The following TRDMT1 variants were observed in gnomAD, a reference collection of about 807,000 sequenced individuals.
TRDMT1 encodes the protein tRNA (cytosine(38)-C(5))-methyltransferase.
In TRDMT1, 49 loss-of-function variants were observed where a neutral mutation model predicts 51.2. That is an observed-to-expected ratio of 0.96 (90% CI 0.76 to 1.21). TRDMT1 has a LOEUF of 1.21. TRDMT1 is among the 50% of genes most tolerant of loss of function. The pLI is 0.00. For missense variants in TRDMT1, 534 were observed against 462.3 expected, an observed-to-expected ratio of 1.16 and a Z score of -1.42; for synonymous variants, 187 against 164.6, an observed-to-expected ratio of 1.14 and a Z score of -1.04.
In TRDMT1 at chr10:17,148,851, T is replaced by C; in HGVS notation, c.*189A>G. On this transcript the variant is annotated 3_prime_UTR_variant, in exon 11 of 11. Coordinates refer to ENST00000377799, the MANE Select transcript of TRDMT1 (RefSeq NM_004412.7). ...CATAAAGCATAACAATAGTTCGTAT[T>C]TTATAAAATACAGTAATATAAATTT... 8.3e-7 allele frequency: 1 copy of C among 1,198,408 alleles called. No individual in the cohort carries two copies. The highest frequency in any genetic ancestry group is 1.1e-6 in the Non-Finnish European group (1 of 934,892). The allele number at this position is 1,198,408 out of a possible 1,614,324, so 74.2% of individuals were successfully genotyped here. A position where few individuals can be genotyped will look rare whatever the true frequency, so the allele number is the denominator to read the frequency against.
intron 8 of TRDMT1, 96 bp downstream of exon 8, chr10:17,157,345 T>C (rs1839665086): frequency 1.7e-6 from 2 of 1,207,574 alleles, no homozygotes; most frequent in Non-Finnish European, 2.3e-6. Flanking sequence ...AAACATTTTA[T>C]AAAATGCTCC....
intron 1 of TRDMT1, among the ~76,000 whole-genome samples, chr10:17,186,289 A>T (rs758251535): frequency 1.3e-5 from 2 of 152,136 alleles, no homozygotes; most frequent in Non-Finnish European, 2.9e-5. Flanking sequence ...GTTACCTTAC[A>T]TGGGAATCAG....
At chr10:17,195,770 A>G (rs1845322965) in intron 1 of TRDMT1, among the ~76,000 whole-genome samples, 1 of 152,150 alleles carries the variant, frequency 6.6e-6, no homozygotes, top group Non-Finnish European at 1.5e-5. Flanking sequence ...TTTGTATTTC[A>G]AGTTTATTAA....
At chr10:17,179,509 T>C (rs1843015760) in intron 1 of TRDMT1, among the ~76,000 whole-genome samples, 1 of 151,998 alleles carries the variant, frequency 6.6e-6, no homozygotes, top group Admixed American at 6.6e-5. Context: ...ATCTGGAATA[T>C]TATAGATTAA....
rs758794629 is a variant in TRDMT1 at position 17,162,170 on chromosome 10, G to T, written c.319C>A (p.Pro107Thr). 3 of 1,608,992 alleles carry T rather than the reference G, an allele frequency of 1.9e-6. No homozygotes were observed. Among genetic ancestry groups the T allele is most frequent in the Non-Finnish European group, 2.5e-6 (3 of 1,177,236 alleles). ...TACAGGAACCTAAGTTTTTACCTTG[G>T]GAGAATATCTAGAATATGTAAGAAG... ...NSFLHILDILPRLQKLPKYIL... is the reference protein window; with the variant it reads ...NSFLHILDILTRLQKLPKYIL... The change falls in exon 4 of 11, where the codon CCA becomes ACA. Residue 107 changes from proline to threonine, a missense_variant. Coordinates refer to ENST00000377799, the MANE Select transcript of TRDMT1 (RefSeq NM_004412.7).
intron 1 of TRDMT1, among the ~76,000 whole-genome samples, chr10:17,190,987 A>C (rs1564341264): frequency 6.6e-6 from 1 of 152,244 alleles, no homozygotes; most frequent in Non-Finnish European, 1.5e-5. Flanking sequence ...CGGTTACAGA[A>C]TGTCTCTTTA....
intron 1 of TRDMT1, among the ~76,000 whole-genome samples, chr10:17,185,996 T>C (rs1843845295): frequency 1.3e-5 from 2 of 151,912 alleles, no homozygotes; most frequent in Non-Finnish European, 1.5e-5. Context: ...GGCACATGTA[T>C]ACCTATGTAA....
rs58471271 is a variant in TRDMT1, at chr10:17,140,294, T to C, written c.*8746A>G. On this transcript the variant is annotated 3_prime_UTR_variant, in exon 11 of 11. Transcript: ENST00000377799. ...TGGTCTTGAACTCCTGACCTCATGG[T>C]CCGTTCACTTCGACCTCCCAAAGTG... Among the ~76,000 whole-genome samples the C allele has an allele frequency of 6.6e-6, 1 of 150,758 alleles. No homozygotes were observed. Among genetic ancestry groups the C allele is most frequent in the African/African-American group, 2.4e-5 (1 of 40,878 alleles).
rs986428136 is a variant in TRDMT1 at position 17,145,234 on chromosome 10, G to A, written c.*3806C>T. 37 of 434,748 alleles carry A rather than the reference G, an allele frequency of 8.5e-5. No homozygotes were observed. Among genetic ancestry groups the A allele is most frequent in the South Asian group, 1.9e-4 (2 of 10,458 alleles). The allele number at this position is 434,748 out of a possible 1,614,324, so 26.9% of individuals were successfully genotyped here. A position where few individuals can be genotyped will look rare whatever the true frequency, so the allele number is the denominator to read the frequency against. Reference sequence around the variant, plus strand: ...TGCACTCCAGCCTAGGCAACAGAGCGAGACTCAGTCTCAAAAACAAAACAA... The same window carrying A: ...TGCACTCCAGCCTAGGCAACAGAGCAAGACTCAGTCTCAAAAACAAAACAA... On this transcript the variant is annotated 3_prime_UTR_variant, in exon 11 of 11. Coordinates refer to ENST00000377799, the MANE Select transcript of TRDMT1 (RefSeq NM_004412.7).
In TRDMT1 at chr10:17,157,787, G is replaced by T. The variant is rs768415510; in HGVS notation, c.544-3C>A. ...ATTTTGGGGAACTCCATCAGTACCT[G>T]GCATTACATAAAAATACACAAATTG... On this transcript the variant is annotated splice_polypyrimidine_tract_variant and splice_region_variant and intron_variant, in intron 7 of 10. Coordinates refer to ENST00000377799, the MANE Select transcript of TRDMT1 (RefSeq NM_004412.7). 1 of 1,550,884 alleles carries T rather than the reference G, an allele frequency of 6.4e-7. No individual in the cohort carries two copies.
At chr10:17,186,740 C>T (rs1201704788) in intron 1 of TRDMT1, among the ~76,000 whole-genome samples, 2 of 152,048 alleles carry the variant, frequency 1.3e-5, no homozygotes, top group Non-Finnish European at 2.9e-5. Context: ...ATAAGTGATG[C>T]TATTTTATTT....
intron 1 of TRDMT1, among the ~76,000 whole-genome samples, chr10:17,194,252 G>T (rs959650992): frequency 6.6e-6 from 1 of 152,136 alleles, no homozygotes; most frequent in South Asian, 2.1e-4. Flanking sequence ...CCTTGGAAAA[G>T]AATTTATGAC....
intron 10 of TRDMT1, chr10:17,151,229 AT>A (rs1428901269): frequency 1.1e-6 from 1 of 921,056 alleles, no homozygotes; most frequent in Non-Finnish European, 1.3e-6. Context: ...AAATGACATA[AT>A]TTTTTAAGTT....
rs71495251 is a variant in TRDMT1, at chr10:17,140,243, G to A, written c.*8797C>T. Reference sequence around the variant, plus strand: ...TTTTTTTTTTTTTGTACCTTTAGTAGAGATAGGGTTTTATCATGGCCAGGC... The same window carrying A: ...TTTTTTTTTTTTTGTACCTTTAGTAAAGATAGGGTTTTATCATGGCCAGGC... On this transcript the variant is annotated 3_prime_UTR_variant, in exon 11 of 11. Transcript: ENST00000377799. Among the ~76,000 whole-genome samples, 1 of 144,548 alleles carries A rather than the reference G, an allele frequency of 6.9e-6. No individual in the cohort carries two copies. The highest frequency in any genetic ancestry group is 2.2e-4 in the South Asian group (1 of 4,552). 94.8% of individuals were successfully genotyped at this position (144,548 alleles called of 152,430 possible). A position where few individuals can be genotyped will look rare whatever the true frequency, so the allele number is the denominator to read the frequency against.
rs974648012 is a variant in TRDMT1 at position 17,148,841 on chromosome 10, T to C, written c.*199A>G. On this transcript the variant is annotated 3_prime_UTR_variant, in exon 11 of 11. Coordinates refer to ENST00000377799, the MANE Select transcript of TRDMT1 (RefSeq NM_004412.7). ...ATATACTCTCCATAAAGCATAACAA[T>C]AGTTCGTATTTTATAAAATACAGTA... The C allele has an allele frequency of 4.2e-6, 5 of 1,177,196 alleles. No homozygotes were observed. The African/African-American group carries it at 6.3e-5, about 15-fold the overall frequency. 72.9% of individuals were successfully genotyped at this position (1,177,196 alleles called of 1,614,324 possible).
rs1837801786 is a variant in TRDMT1, at chr10:17,142,940, G to T, written c.*6100C>A. On this transcript the variant is annotated 3_prime_UTR_variant, in exon 11 of 11. Coordinates refer to ENST00000377799, the MANE Select transcript of TRDMT1 (RefSeq NM_004412.7). ...ATTACACTTTTCAGGGAGGAGCAGG[G>T]AGAAATAAATCTACACTCTCTTGTC... 1.1e-6 allele frequency: 1 copy of T among 946,104 alleles called. No individual in the cohort carries two copies. The highest frequency in any genetic ancestry group is 1.3e-6 in the Non-Finnish European group (1 of 794,622). The allele number at this position is 946,104 out of a possible 1,614,324, so 58.6% of individuals were successfully genotyped here.
At chr10:17,162,095 C>A in intron 4 of TRDMT1, 71 bp downstream of exon 4, 3 of 1,373,460 alleles carry the variant, frequency 2.2e-6, no homozygotes, top group Middle Eastern at 1.8e-4. Context: ...TACAAAATGA[C>A]AAACGTCACA....
chr10:17,188,281 T>C (rs1418103689), intron 1 of TRDMT1, among the ~76,000 whole-genome samples: 1 of 152,162 alleles, frequency 6.6e-6, no homozygotes, highest in East Asian at 1.9e-4. Flanking sequence ...GTAATATCTT[T>C]AAAAAATAGA....
intron 1 of TRDMT1, among the ~76,000 whole-genome samples, chr10:17,187,807 C>T (rs1386960622): frequency 6.6e-6 from 1 of 152,116 alleles, no homozygotes; most frequent in Non-Finnish European, 1.5e-5. Flanking sequence ...ACATTACACA[C>T]ATACCCACTG....
Sources: gnomAD v4.1 joint callset for allele counts (sites outside exome capture counted in the v4.1 genomes callset) on GRCh38, gnomAD v4.1.1 for gene constraint, MANE v1.5 for transcripts, NCBI Gene and HGNC (gene_info 2026-07-23, HGNC 2026-07-21) for gene names.